The following SLC7A14 variants were observed in gnomAD, a reference collection of about 807,000 sequenced individuals.
The protein encoded by SLC7A14 is solute carrier family 7 member 14, also known as gamma-aminobutyric acid transporter SLC7A14.
SLC7A14 carries 37 observed loss-of-function variants against 60.2 expected under a neutral mutation model. The observed-to-expected ratio is 0.61, with a 90% CI of 0.47 to 0.81. The LOEUF is 0.81. SLC7A14 is among the 30% of genes least tolerant of loss of function. The probability of loss-of-function intolerance (pLI) is 0.00; values close to 1 mark genes in which losing one functional copy is unlikely to be tolerated. For synonymous variants in SLC7A14, 399 were observed against 395.8 expected, an observed-to-expected ratio of 1.01 and a Z score of -0.10; for missense variants, 886 against 982.7, an observed-to-expected ratio of 0.90 and a Z score of 1.32.
At chr3:170,490,198 T>C (rs1471520476) in intron 4 of SLC7A14, among the ~76,000 whole-genome samples, 1 of 152,204 alleles carries the variant, frequency 6.6e-6, no homozygotes, top group African/African-American at 2.4e-5. Flanking sequence ...AAACATCTCA[T>C]GTACCCCATA....
chr3:170,507,574 T>G (rs1461143429), intron 2 of SLC7A14, among the ~76,000 whole-genome samples: 1 of 151,796 alleles, frequency 6.6e-6, no homozygotes, highest in African/African-American at 2.4e-5. Context: ...GGCGAAAAGG[T>G]GTAGCTGGGC....
intron 1 of SLC7A14, among the ~76,000 whole-genome samples, chr3:170,541,963 G>A (rs2108300395): frequency 6.6e-6 from 1 of 152,260 alleles, no homozygotes; most frequent in East Asian, 1.9e-4. Context: ...AATATCCTCG[G>A]TTTTTGTAGT....
intron 1 of SLC7A14, among the ~76,000 whole-genome samples, chr3:170,538,820 C>T (rs1713927039): frequency 6.6e-6 from 1 of 152,224 alleles, no homozygotes; most frequent in Admixed American, 6.5e-5. Flanking sequence ...CCCCACTGAC[C>T]ATAAAGATTC....
intron 2 of SLC7A14, among the ~76,000 whole-genome samples, chr3:170,503,968 G>A (rs1014846073): frequency 2.0e-5 from 3 of 152,234 alleles, no homozygotes; most frequent in Non-Finnish European, 4.4e-5. Context: ...AATGACTGTA[G>A]TTTGGGGAGA....
At chr3:170,505,960 CCT>C (rs947758861) in intron 2 of SLC7A14, among the ~76,000 whole-genome samples, 15 of 151,796 alleles carry the variant, frequency 9.9e-5, no homozygotes, top group African/African-American at 2.9e-4. Context: ...AAATTTTGCC[CCT>C]GAGTTACCTT....
intron 1 of SLC7A14, among the ~76,000 whole-genome samples, chr3:170,537,445 A>T (rs138784695): frequency 4.6e-5 from 7 of 152,280 alleles, no homozygotes. Flanking sequence ...TGTCATAGTC[A>T]CAAATTCTGA....
At chr3:170,582,648 C>T (rs1715267604) in intron 1 of SLC7A14, among the ~76,000 whole-genome samples, 1 of 151,976 alleles carries the variant, frequency 6.6e-6, no homozygotes, top group African/African-American at 2.4e-5. Context: ...AGGTTTGAAG[C>T]AGAATGTTGA....
At position 170,501,406 on chromosome 3, in the gene SLC7A14, C is replaced by T. The variant is rs564944801; in HGVS notation, c.305-61G>A. 16 of 1,416,054 alleles carry T rather than the reference C, an allele frequency of 1.1e-5. No individual in the cohort carries two copies. In the African/African-American group the frequency reaches 2.1e-4, roughly 19 times the overall value. The allele number at this position is 1,416,054 out of a possible 1,614,324, so 87.7% of individuals were successfully genotyped here. ...AGGAGATGAGCTGACATCCTGTGGCCAACAATCTTGGGTGGAACATACTGA... is the reference window on the plus strand; with the variant it reads ...AGGAGATGAGCTGACATCCTGTGGCTAACAATCTTGGGTGGAACATACTGA... On this transcript the variant is annotated intron_variant, in intron 2 of 7. Transcript: ENST00000231706.
In SLC7A14 at chr3:170,466,124, A is replaced by G. The variant is rs1739712713; in HGVS notation, c.*931T>C. 6.6e-6 allele frequency: 1 copy of G among 152,238 alleles called. No individual in the cohort carries two copies. Among genetic ancestry groups the G allele is most frequent in the South Asian group, 2.1e-4 (1 of 4,832 alleles). 9.4% of individuals were successfully genotyped at this position (152,238 alleles called of 1,614,324 possible). A position where few individuals can be genotyped will look rare whatever the true frequency, so the allele number is the denominator to read the frequency against. Reference sequence around the variant, plus strand: ...TAGAATTTATAATTTTAGAAATATGAAAGAGAATTTGCAATGTGATCTCAG... The same window carrying G: ...TAGAATTTATAATTTTAGAAATATGGAAGAGAATTTGCAATGTGATCTCAG... On this transcript the variant is annotated 3_prime_UTR_variant, in exon 8 of 8. Coordinates refer to ENST00000231706, the MANE Select transcript of SLC7A14 (RefSeq NM_020949.3).
intron 1 of SLC7A14, among the ~76,000 whole-genome samples, chr3:170,533,603 G>A (rs1038136848): frequency 6.6e-6 from 1 of 152,030 alleles, no homozygotes; most frequent in Admixed American, 6.6e-5. Context: ...TGACACTTTT[G>A]GACCATGACA....
At position 170,498,865 on chromosome 3, in the gene SLC7A14, G is replaced by A; in HGVS notation, c.561C>T (p.Tyr187=). The change falls in exon 4 of 8, where the codon TAC becomes TAT. Residue 187 remains tyrosine (Y), a synonymous_variant. Transcript: ENST00000231706. ...LNGLGKGEES[Y]PDLLALLIAV... is the part of the protein sequence containing the mutation. ...CGATCAACAGAGCCAGAAGGTCTGG[G>A]TATGATTCTTCACCTTTCCCTAGAG... The A allele has an allele frequency of 1.2e-6, 2 of 1,614,126 alleles. No individual in the cohort carries two copies. Among genetic ancestry groups the A allele is most frequent in the Admixed American group, 1.7e-5 (1 of 60,012 alleles).
chr3:170,531,531 A>G (rs963946948), intron 1 of SLC7A14, among the ~76,000 whole-genome samples: 9 of 152,184 alleles, frequency 5.9e-5, no homozygotes, highest in Non-Finnish European at 1.0e-4. Context: ...TATTCTCTTC[A>G]CGCAATTCCC....
intron 1 of SLC7A14, among the ~76,000 whole-genome samples, chr3:170,557,042 C>T (rs1340064272): frequency 1.3e-5 from 2 of 152,170 alleles, no homozygotes; most frequent in African/African-American, 2.4e-5. Context: ...TTTCTCAGTC[C>T]TAATCAGTCA....
At chr3:170,548,599 G>C (rs573592927) in intron 1 of SLC7A14, among the ~76,000 whole-genome samples, 13 of 152,316 alleles carry the variant, frequency 8.5e-5, no homozygotes, top group South Asian at 4.1e-4. Flanking sequence ...AGAATCAACT[G>C]GGAAACTTAA....
At chr3:170,524,699 G>A (rs1363071838) in intron 2 of SLC7A14, among the ~76,000 whole-genome samples, 1 of 152,112 alleles carries the variant, frequency 6.6e-6, no homozygotes, top group Non-Finnish European at 1.5e-5. Context: ...AAGTTTGGAG[G>A]TAATTGCTAT....
intron 2 of SLC7A14, among the ~76,000 whole-genome samples, chr3:170,509,817 G>A (rs568468026): frequency 1.3e-5 from 2 of 148,642 alleles, no homozygotes; most frequent in African/African-American, 5.0e-5. Context: ...GGTGGTGCAT[G>A]CCCGTAATCC....
intron 1 of SLC7A14, among the ~76,000 whole-genome samples, chr3:170,529,936 C>T (rs1211744327): frequency 2.6e-5 from 4 of 152,152 alleles, no homozygotes; most frequent in Admixed American, 6.5e-5. Context: ...AGGCAGGGAA[C>T]GGATTCTTCC....
Position 170,535,733 on chromosome 3 carries a change from C to G in SLC7A14, c.-152-8645G>C, listed in dbSNP as rs1311077834. Among the ~76,000 whole-genome samples, 1 of 152,202 alleles carries G rather than the reference C, an allele frequency of 6.6e-6. No homozygotes were observed. Among genetic ancestry groups the G allele is most frequent in the African/African-American group, 2.4e-5 (1 of 41,452 alleles). ...TGGCTGTGGCTCCAGCCAGGTGGCC[C>G]TCTCCACATAGCCCTAACTCTCTCT... On this transcript the variant is annotated intron_variant, in intron 1 of 7. Coordinates refer to ENST00000231706, the MANE Select transcript of SLC7A14 (RefSeq NM_020949.3). The surrounding 1 kb of genome is among the most constrained non-coding windows in gnomAD (Gnocchi z 4.3).
At chr3:170,583,124 G>A (rs772166467) in intron 1 of SLC7A14, among the ~76,000 whole-genome samples, 1 of 152,286 alleles carries the variant, frequency 6.6e-6, no homozygotes, top group Middle Eastern at 3.4e-3. Context: ...GAGAACATGG[G>A]CAGTTGCTTA....
Sources: allele counts gnomAD v4.1 joint callset (sites outside exome capture counted in the v4.1 genomes callset), GRCh38; gene constraint gnomAD v4.1.1; non-coding constraint Gnocchi (gnomAD v3.1); transcripts MANE v1.5; gene names NCBI Gene and HGNC (gene_info 2026-07-23, HGNC 2026-07-21).